The following TPH2 variants were observed in gnomAD, a reference collection of about 807,000 sequenced individuals.
TPH2 encodes the protein tryptophan hydroxylase 2.
TPH2 carries 27 observed loss-of-function variants against 59.1 expected under a neutral mutation model. The ratio of observed to expected loss-of-function variants is 0.46; its 90% CI spans 0.34 to 0.63. TPH2 has a LOEUF of 0.63. TPH2 is among the 30% of genes least tolerant of loss of function. TPH2 has a pLI of 0.01. For missense variants in TPH2, 523 were observed against 588.3 expected, an observed-to-expected ratio of 0.89 and a Z score of 1.15; for synonymous variants, 220 against 210.5, an observed-to-expected ratio of 1.05 and a Z score of -0.39.
chr12:71,998,248 C>T (rs1872739944), intron 8 of TPH2, among the ~76,000 whole-genome samples: 1 of 152,128 alleles, frequency 6.6e-6, no homozygotes, highest in African/African-American at 2.4e-5. Flanking sequence ...TCTCATGACC[C>T]TTCCAGTTCC....
chr12:71,998,138 G>A (rs1872736965), intron 8 of TPH2, among the ~76,000 whole-genome samples: 1 of 152,140 alleles, frequency 6.6e-6, no homozygotes, highest in Non-Finnish European at 1.5e-5. Context: ...GGATGGAGTA[G>A]GGGTGGGTGT....
At chr12:72,024,284 T>C (rs896340373) in intron 9 of TPH2, among the ~76,000 whole-genome samples, 1 of 152,164 alleles carries the variant, frequency 6.6e-6, no homozygotes, top group African/African-American at 2.4e-5. Context: ...AAGGAAAGGA[T>C]GGGGTGCACC....
intron 5 of TPH2, among the ~76,000 whole-genome samples, chr12:71,958,855 A>G (rs1455539165): frequency 2.0e-5 from 3 of 152,192 alleles, no homozygotes; most frequent in Non-Finnish European, 4.4e-5. Flanking sequence ...GTGTAAGTAC[A>G]CAGCTAAACA....
In TPH2 at chr12:71,939,110, G is replaced by C. The variant is rs368873862; in HGVS notation, c.105+19G>C. ...CTCAACAGTGAGTACTACGTACCTG[G>C]CACTATGGAGAATTATTTTTTAGGG... On this transcript the variant is annotated intron_variant, in intron 1 of 10. Coordinates refer to ENST00000333850, the MANE Select transcript of TPH2 (RefSeq NM_173353.4). 2 of 1,581,318 alleles carry C rather than the reference G, an allele frequency of 1.3e-6. No individual in the cohort carries two copies. Among genetic ancestry groups the C allele is most frequent in the Non-Finnish European group, 1.7e-6 (2 of 1,151,642 alleles).
chr12:71,956,385 T>G (rs1199663621), intron 5 of TPH2, among the ~76,000 whole-genome samples: 3 of 151,874 alleles, frequency 2.0e-5, no homozygotes, highest in South Asian at 2.1e-4. Flanking sequence ...ACCACATTCA[T>G]TTAACTTGTT....
At chr12:72,031,229 T>G in intron 9 of TPH2, 29 bp from the exon 10 acceptor site, 1 of 1,612,884 alleles carries the variant, frequency 6.2e-7, no homozygotes, top group Non-Finnish European at 8.5e-7. Context: ...CATTACAGAG[T>G]TTAACAGGTT....
At chr12:71,972,783 C>T in intron 6 of TPH2, 68 bp downstream of exon 6, 3 of 1,491,412 alleles carry the variant, frequency 2.0e-6, no homozygotes, top group African/African-American at 1.4e-5. Flanking sequence ...ACACAGGTTG[C>T]AGCAATGGCT....
chr12:71,947,737 T>C (rs928569576), intron 4 of TPH2, among the ~76,000 whole-genome samples: 1 of 152,072 alleles, frequency 6.6e-6, no homozygotes, highest in Admixed American at 6.6e-5. Context: ...CATGGTTCAA[T>C]CCAGGAAGTT....
intron 5 of TPH2, among the ~76,000 whole-genome samples, chr12:71,958,821 C>A (rs1399935893): frequency 6.6e-6 from 1 of 152,208 alleles, no homozygotes. Flanking sequence ...TAAAATTGCA[C>A]CCTTTGTGAT....
At chr12:72,024,294 C>G (rs954359299) in intron 9 of TPH2, among the ~76,000 whole-genome samples, 1 of 152,176 alleles carries the variant, frequency 6.6e-6, no homozygotes, top group Non-Finnish European at 1.5e-5. Flanking sequence ...TGGGGTGCAC[C>G]AGTCTGTCAG....
chr12:72,022,462 G>A lies in TPH2; in HGVS notation c.1132G>A (p.Ala378Thr), dbSNP rs78369038. Residue 378 changes from alanine (A) to threonine (T), a missense_variant, in exon 9 of 11, where the codon GCA (alanine) becomes ACA (threonine). Ala to Thr is a moderately conservative substitution (Grantham distance 58, BLOSUM62 0). Coordinates refer to ENST00000333850, the MANE Select transcript of TPH2 (RefSeq NM_173353.4). ...KQEGQLRAYG[A>T]GLLSSIGELK... ...AGAAGGGCAACTGCGGGCATATGGA[G>A]CAGGACTCCTTTCCTCCATTGGAGA... is the stretch of plus-strand genomic sequence containing the variant. The A allele has an allele frequency of 2.2e-5, 35 of 1,613,780 alleles. No homozygotes were observed. Among genetic ancestry groups the A allele is most frequent in the Non-Finnish European group, 2.9e-5 (34 of 1,179,806 alleles).
intron 9 of TPH2, 24 bp from the exon 10 acceptor site, chr12:72,031,234 C>A (rs1873713475): frequency 6.2e-7 from 1 of 1,612,966 alleles, no homozygotes; most frequent in East Asian, 2.2e-5. Context: ...CAGAGTTTAA[C>A]AGGTTTTGTG....
chr12:72,025,204 A>G (rs1420590813), intron 9 of TPH2, among the ~76,000 whole-genome samples: 1 of 152,150 alleles, frequency 6.6e-6, no homozygotes, highest in African/African-American at 2.4e-5. Context: ...TTTTGAGTGC[A>G]GTTACCTTTT....
intron 5 of TPH2, chr12:71,964,814 A>G (rs999045423): frequency 2.3e-6 from 2 of 885,608 alleles, no homozygotes; most frequent in Non-Finnish European, 2.7e-6. Flanking sequence ...GTTTAGGGGT[A>G]CATGTGAAGG....
At chr12:72,021,408 A>G (rs1873413935) in intron 8 of TPH2, among the ~76,000 whole-genome samples, 1 of 149,184 alleles carries the variant, frequency 6.7e-6, no homozygotes, top group Admixed American at 6.7e-5. Context: ...TGTGTGTATA[A>G]CATCCGCCCC....
At chr12:71,959,352 G>A (rs1373464787) in intron 5 of TPH2, among the ~76,000 whole-genome samples, 1 of 152,168 alleles carries the variant, frequency 6.6e-6, no homozygotes, top group Non-Finnish European at 1.5e-5. Context: ...AGGGTAGACT[G>A]CAGACTTGGA....
chr12:71,957,565 G>A lies in TPH2; in HGVS notation c.608+7910G>A, dbSNP rs779771050. ...TTGCCCAGGCTAGTCTTGAACTCTG[G>A]CCTCAAACAATCCTCCTGCCTCGGC... On this transcript the variant is annotated intron_variant, in intron 5 of 10. Transcript: ENST00000333850. Among the ~76,000 whole-genome samples the A allele has an allele frequency of 2.0e-5, 3 of 152,000 alleles. No homozygotes were observed. The South Asian group carries it at 6.2e-4, about 32-fold the overall frequency.
At chr12:71,980,937 A>T (rs968967940) in intron 7 of TPH2, among the ~76,000 whole-genome samples, 9 of 131,348 alleles carry the variant, frequency 6.9e-5, no homozygotes, top group African/African-American at 2.6e-4. Flanking sequence ...CTTTAAAAAA[A>T]ATTTTTTTTA....
intron 8 of TPH2, among the ~76,000 whole-genome samples, chr12:72,020,775 C>T (rs1003525022): frequency 1.4e-4 from 22 of 152,086 alleles, no homozygotes; most frequent in African/African-American, 4.8e-4. Context: ...GTGTGAGTCA[C>T]CACGCCCAGT....
Sources: allele counts gnomAD v4.1 joint callset (sites outside exome capture counted in the v4.1 genomes callset), GRCh38; gene constraint gnomAD v4.1.1; transcripts MANE v1.5; gene names NCBI Gene and HGNC (gene_info 2026-07-23, HGNC 2026-07-21).